Variants in SPOCK2 observed in about 807,000 individuals in gnomAD.
SPOCK2 encodes the protein SPARC (osteonectin), cwcv and kazal like domains proteoglycan 2.
In SPOCK2, 39 loss-of-function variants were observed where a neutral mutation model predicts 60.1. That is an observed-to-expected ratio of 0.65 (90% confidence interval 0.50 to 0.85). SPOCK2 has a LOEUF of 0.85. Ranked by LOEUF, SPOCK2 falls within the 40% of genes least tolerant of loss-of-function variation. The probability of loss-of-function intolerance (pLI) is 0.00; values close to 1 mark genes in which losing one functional copy is unlikely to be tolerated. For missense variants in SPOCK2, 523 were observed against 567.4 expected, an observed-to-expected ratio of 0.92 and a Z score of 0.80; for synonymous variants, 217 against 231.5, an observed-to-expected ratio of 0.94 and a Z score of 0.57.
At chr10:72,077,241 C>A (rs1439671652) in intron 1 of SPOCK2, among the ~76,000 whole-genome samples, 2 of 152,164 alleles carry the variant, frequency 1.3e-5, no homozygotes, top group Non-Finnish European at 2.9e-5. Flanking sequence ...CCACCTCAGC[C>A]TTCCAAGTAC....
intron 1 of SPOCK2, among the ~76,000 whole-genome samples, chr10:72,082,532 G>A (rs1483986620): frequency 2.0e-5 from 3 of 152,056 alleles, no homozygotes; most frequent in Admixed American, 6.6e-5. Flanking sequence ...CATCAGGGTA[G>A]GGCCCTCATG....
Position 72,074,023 on chromosome 10 carries a change from G to A in SPOCK2, c.190-1113C>T, listed in dbSNP as rs150198257. 3.3e-5 allele frequency among the ~76,000 whole-genome samples: 5 copies of A among 152,330 alleles called. 1 individual carries two copies. Among genetic ancestry groups the A allele is most frequent in the African/African-American group, 1.2e-4 (5 of 41,558 alleles). ...GGAGGGGCTCTGGGAGCTGGGGGGA[G>A]AGGGGCATGAGAAGCTACGCGCAGC... is the stretch of plus-strand genomic sequence containing the variant. On this transcript the variant is annotated intron_variant, in intron 1 of 10. Coordinates refer to ENST00000373109, the MANE Select transcript of SPOCK2 (RefSeq NM_001244950.2).
rs1386292837 is a variant in SPOCK2, at chr10:72,088,300, AC to A, written c.28del (p.Val10CysfsTer84). MRAPGCGRLVLPLLLLAAAA... is the reference protein window; with the variant it reads MRAPGCGRLXLPLLLLAAAA... ...CGCGGCCAGGAGCAGCAGCGGCAGC[AC>A]CAGCCGCCCGCAGCCCGGGGCGCGC... is the stretch of plus-strand genomic sequence containing the variant. On this transcript the variant is annotated frameshift_variant, in exon 1 of 11. Transcript: ENST00000373109. LOFTEE classifies it high-confidence loss of function. 1.9e-6 allele frequency: 3 copies of A among 1,591,938 alleles called. No individual in the cohort carries two copies. The highest frequency in any genetic ancestry group is 2.7e-5 in the African/African-American group (2 of 73,826).
At chr10:72,086,515 C>T in intron 1 of SPOCK2, 1 of 1,119,530 alleles carries the variant, frequency 8.9e-7, no homozygotes, top group Non-Finnish European at 1.1e-6. Context: ...AGGCCAGTGA[C>T]ACATGGATTC....
At chr10:72,068,099 C>A in intron 6 of SPOCK2, 88 bp downstream of exon 6, 1 of 1,445,150 alleles carries the variant, frequency 6.9e-7, no homozygotes, top group Non-Finnish European at 9.5e-7. Context: ...TCTTGCTCTG[C>A]ACACCTCTTC....
At chr10:72,083,021 T>A (rs1840807584) in intron 1 of SPOCK2, among the ~76,000 whole-genome samples, 1 of 152,022 alleles carries the variant, frequency 6.6e-6, no homozygotes, top group South Asian at 2.1e-4. Flanking sequence ...ACAAAATAAA[T>A]CTCTGTTGTT....
intron 1 of SPOCK2, among the ~76,000 whole-genome samples, chr10:72,074,893 C>A (rs1248437206): frequency 6.6e-6 from 1 of 152,150 alleles, no homozygotes; most frequent in Non-Finnish European, 1.5e-5. Context: ...CTGGCCCACA[C>A]GTACCTGTCC....
At chr10:72,077,128 A>G (rs914257713) in intron 1 of SPOCK2, among the ~76,000 whole-genome samples, 1 of 151,802 alleles carries the variant, frequency 6.6e-6, no homozygotes, top group Non-Finnish European at 1.5e-5. Flanking sequence ...CTTTATTTTT[A>G]TTTATTTATT....
chr10:72,088,444 T>G lies in SPOCK2; in HGVS notation c.-116A>C. ...TGTCCTCAGCTCTCCTCCCGCGGTCTGCCTCCGGTGACTGGCGGAGAGTGG... is the reference window on the plus strand; with the variant it reads ...TGTCCTCAGCTCTCCTCCCGCGGTCGGCCTCCGGTGACTGGCGGAGAGTGG... On this transcript the variant is annotated 5_prime_UTR_variant, in exon 1 of 11. Transcript: ENST00000373109. The G allele has an allele frequency of 1.0e-5, 13 of 1,243,644 alleles. No individual in the cohort carries two copies. Among genetic ancestry groups the G allele is most frequent in the Non-Finnish European group, 1.4e-5 (13 of 928,360 alleles). 77.0% of individuals were successfully genotyped at this position (1,243,644 alleles called of 1,614,324 possible). A position where few individuals can be genotyped will look rare whatever the true frequency, so the allele number is the denominator to read the frequency against.
chr10:72,063,200 C>G, intron 9 of SPOCK2, 38 bp from the exon 10 acceptor site: 1 of 1,550,612 alleles, frequency 6.4e-7, no homozygotes, highest in East Asian at 2.4e-5. Context: ...AGAGCAGGGG[C>G]CCAGGCTGTG....
At chr10:72,064,703 T>G (rs952421293) in intron 8 of SPOCK2, among the ~76,000 whole-genome samples, 7 of 152,306 alleles carry the variant, frequency 4.6e-5, no homozygotes, top group African/African-American at 7.2e-5. Context: ...ACCTTTTCTA[T>G]GCTTAGTTAT....
Position 72,088,391 on chromosome 10 carries a change from AC to A in SPOCK2, c.-64del. On this transcript the variant is annotated 5_prime_UTR_variant, in exon 1 of 11. Coordinates refer to ENST00000373109, the MANE Select transcript of SPOCK2 (RefSeq NM_001244950.2). ...GCAGTATTTTAATGTCCTTCCTCCC[AC>A]CCCGCTGCTGGCGAAGCGCACGCGG... 1 of 1,431,648 alleles carries A rather than the reference AC, an allele frequency of 7.0e-7. No homozygotes were observed. 88.7% of individuals were successfully genotyped at this position (1,431,648 alleles called of 1,614,324 possible).
intron 1 of SPOCK2, 91 bp from the exon 2 acceptor site, chr10:72,073,001 G>A (rs1840670081): frequency 6.5e-7 from 1 of 1,533,846 alleles, no homozygotes; most frequent in Admixed American, 2.0e-5. Context: ...GCCCTCTGGT[G>A]TTCCTGGGGT....
chr10:72,064,368 G>GTGTTT, intron 8 of SPOCK2, 128 bp from the exon 9 acceptor site: 2 of 1,041,606 alleles, frequency 1.9e-6, no homozygotes, highest in Non-Finnish European at 2.7e-6. Context: ...CTGACACGGG[G>GTGTTT]TCACCCCACA....
chr10:72,068,162 C>A (rs979434793), intron 6 of SPOCK2, 25 bp downstream of exon 6: 6 of 1,594,100 alleles, frequency 3.8e-6, no homozygotes, highest in African/African-American at 1.3e-5. Flanking sequence ...GCACCCCTAG[C>A]CTGGTGGCCC....
chr10:72,074,041 C>T (rs1266892996), intron 1 of SPOCK2, among the ~76,000 whole-genome samples: 3 of 151,100 alleles, frequency 2.0e-5, no homozygotes. Flanking sequence ...TGAGAAGCTA[C>T]GCGCAGCTGC....
At chr10:72,074,150 C>A (rs896073) in intron 1 of SPOCK2, among the ~76,000 whole-genome samples, 43,067 of 152,004 alleles carry the variant, frequency 0.28, 7,365 homozygotes, top group Middle Eastern at 0.44. Flanking sequence ...GGGGCCATGG[C>A]ACCAAACGGC....
intron 1 of SPOCK2, among the ~76,000 whole-genome samples, chr10:72,084,049 G>A (rs1250623024): frequency 6.6e-6 from 1 of 152,108 alleles, no homozygotes; most frequent in East Asian, 1.9e-4. Context: ...TTGTTAGCCG[G>A]CAGGTAACAA....
chr10:72,063,158 G>C lies in SPOCK2; in HGVS notation c.996C>G (p.Ile332Met), dbSNP rs1448718757. The C allele has an allele frequency of 6.4e-7, 1 of 1,556,654 alleles. No individual in the cohort carries two copies. ...CATCCTCGTCGCAGCTCGGGATGAA[G>C]ATGCCTGAATGAGACAGTGCCAGGC... ...IQEAAKKKPG[I>M]FIPSCDEDGY... The change falls in exon 10 of 11, where the codon ATC (isoleucine) becomes ATG (methionine). Residue 332 changes from isoleucine (I) to methionine (M), a missense_variant. Physicochemically the swap from Ile to Met is conservative, Grantham distance 10. Coordinates refer to ENST00000373109, the MANE Select transcript of SPOCK2 (RefSeq NM_001244950.2).
Sources: gnomAD v4.1 joint callset for allele counts (sites outside exome capture counted in the v4.1 genomes callset) on GRCh38, gnomAD v4.1.1 for gene constraint, MANE v1.5 for transcripts, NCBI Gene and HGNC (gene_info 2026-07-23, HGNC 2026-07-21) for gene names.